KCNH1: variants seen among roughly 807,000 people sequenced by gnomAD.
The protein encoded by KCNH1 is potassium voltage-gated channel subfamily H member 1, also known as voltage-gated delayed rectifier potassium channel KCNH1.
KCNH1 carries 27 observed loss-of-function variants against 69.2 expected under a neutral mutation model. The ratio of observed to expected loss-of-function variants is 0.39; its 90% CI spans 0.29 to 0.54. The LOEUF is 0.54. Ranked by LOEUF, KCNH1 falls within the 20% of genes least tolerant of loss-of-function variation. KCNH1 has a pLI of 0.68. For synonymous variants in KCNH1, 456 were observed against 487.7 expected, an observed-to-expected ratio of 0.93 and a Z score of 0.86; for missense variants, 798 against 1,261.6, an observed-to-expected ratio of 0.63 and a Z score of 5.57.
chr1:210,777,438 C>T (rs1254660025), intron 9 of KCNH1, among the ~76,000 whole-genome samples: 1 of 152,146 alleles, frequency 6.6e-6, no homozygotes, highest in Non-Finnish European at 1.5e-5. Flanking sequence ...AACTGTGCTA[C>T]TTAGATTCCC....
chr1:210,825,702 A>G (rs1685018603), intron 7 of KCNH1, among the ~76,000 whole-genome samples: 2 of 152,200 alleles, frequency 1.3e-5, no homozygotes, highest in East Asian at 1.9e-4. Flanking sequence ...TGTGCCACCA[A>G]TGTACCTTGT....
chr1:210,845,855 C>T (rs375193385), intron 7 of KCNH1, among the ~76,000 whole-genome samples: 1 of 152,226 alleles, frequency 6.6e-6, no homozygotes, highest in Admixed American at 6.5e-5. Context: ...AAAATCTCCT[C>T]AAGCTGATAA....
At chr1:210,757,145 T>C (rs546277169) in intron 10 of KCNH1, among the ~76,000 whole-genome samples, 2 of 152,148 alleles carry the variant, frequency 1.3e-5, no homozygotes, top group Admixed American at 1.3e-4. Flanking sequence ...GGGGAGGCTG[T>C]CATCCCAGTG....
rs6693407 is a variant in KCNH1, at chr1:210,799,232, A to G, written c.1663-1472T>C. On this transcript the variant is annotated intron_variant, in intron 8 of 10. Transcript: ENST00000271751. ...TGTATGATATAAGTGCTATTATTAT[A>G]TCATTTTACAGATGAGAAAACTGAG... Among the ~76,000 whole-genome samples, 851 of 152,308 alleles carry G rather than the reference A, an allele frequency of 5.6e-3. 6 individuals carry two copies. Among genetic ancestry groups the G allele is most frequent in the African/African-American group, 0.02 (814 of 41,570 alleles).
chr1:210,696,944 G>A (rs1291827162), intron 10 of KCNH1, among the ~76,000 whole-genome samples: 2 of 152,188 alleles, frequency 1.3e-5, no homozygotes, highest in East Asian at 3.8e-4. Flanking sequence ...GCCATCTCCT[G>A]AGCAGGCTGA....
intron 10 of KCNH1, among the ~76,000 whole-genome samples, chr1:210,709,147 G>A (rs116387774): frequency 0.017 from 2,600 of 152,290 alleles, 36 homozygotes; most frequent in Middle Eastern, 0.031. Context: ...TACTCAGGAG[G>A]CTGAAGCAAA....
intron 5 of KCNH1, among the ~76,000 whole-genome samples, chr1:211,033,556 C>G (rs1689833610): frequency 6.6e-6 from 1 of 152,188 alleles, no homozygotes; most frequent in African/African-American, 2.4e-5. Context: ...AAATGTGGCA[C>G]ATATACACCA....
chr1:210,851,930 G>A (rs983347600), intron 7 of KCNH1, among the ~76,000 whole-genome samples: 14 of 152,216 alleles, frequency 9.2e-5, no homozygotes, highest in African/African-American at 3.4e-4. Flanking sequence ...TACATGCCAG[G>A]AATCATGCTA....
In KCNH1 at chr1:210,683,609, TCA is replaced by T. The variant is rs1681329512; in HGVS notation, c.2640_2641del (p.Cys880Ter). The T allele has an allele frequency of 6.2e-7, 1 of 1,614,072 alleles. No homozygotes were observed. The highest frequency in any genetic ancestry group is 8.5e-7 in the Non-Finnish European group (1 of 1,180,040). ...CAAGTCGCTCTTGGTGATGCCACTGTCACACGAGTCTGTCTTCTTCAGTGTGG... is the reference window on the plus strand; with the variant it reads ...CAAGTCGCTCTTGGTGATGCCACTGTCACGAGTCTGTCTTCTTCAGTGTGG... On this transcript the variant is annotated stop_gained and frameshift_variant, in exon 11 of 11. Coordinates refer to ENST00000271751, the MANE Select transcript of KCNH1 (RefSeq NM_172362.3). LOFTEE classifies it low-confidence loss of function (END_TRUNC). This position sits in a 1 kb window ranked among gnomAD's most constrained non-coding sequence, Gnocchi z 5.7.
intron 10 of KCNH1, among the ~76,000 whole-genome samples, chr1:210,751,340 G>C (rs923021517): frequency 6.6e-6 from 1 of 152,216 alleles, no homozygotes; most frequent in Non-Finnish European, 1.5e-5. Flanking sequence ...GCCAGGACTA[G>C]ATGCCCATCC....
chr1:210,784,435 G>T (rs978733845), intron 9 of KCNH1, among the ~76,000 whole-genome samples: 3 of 152,198 alleles, frequency 2.0e-5, no homozygotes, highest in Admixed American at 1.3e-4. Context: ...GTTTTCGCAT[G>T]TAAGTAGTGA....
chr1:210,725,604 G>A (rs1292159856), intron 10 of KCNH1, among the ~76,000 whole-genome samples: 1 of 152,176 alleles, frequency 6.6e-6, no homozygotes, highest in Non-Finnish European at 1.5e-5. Flanking sequence ...CTGCACAGAG[G>A]TATGAACGAT....
At chr1:211,120,603 A>T (rs1571663567) in intron 1 of KCNH1, among the ~76,000 whole-genome samples, 1 of 152,308 alleles carries the variant, frequency 6.6e-6, no homozygotes, top group African/African-American at 2.4e-5. Context: ...GAATAACACA[A>T]AAAATATCAT....
intron 5 of KCNH1, among the ~76,000 whole-genome samples, chr1:211,076,244 C>T (rs1406324026): frequency 6.6e-6 from 1 of 152,198 alleles, no homozygotes; most frequent in East Asian, 1.9e-4. Flanking sequence ...TCTCCCAGCA[C>T]AGTGTTTGAC....
intron 3 of KCNH1, 127 bp from the exon 4 acceptor site, chr1:211,090,817 A>G: frequency 1.2e-6 from 1 of 855,844 alleles, no homozygotes; most frequent in South Asian, 1.9e-5. Context: ...TTAATACTTC[A>G]AGTGCTGGGT....
At chr1:211,132,048 T>C (rs1361295106) in intron 1 of KCNH1, among the ~76,000 whole-genome samples, 2 of 152,368 alleles carry the variant, frequency 1.3e-5, no homozygotes, top group East Asian at 3.9e-4. Context: ...ACCCAAGGCA[T>C]CTTGTGACTT....
intron 5 of KCNH1, among the ~76,000 whole-genome samples, chr1:211,031,825 A>G (rs947782534): frequency 2.6e-5 from 4 of 152,198 alleles, no homozygotes; most frequent in Non-Finnish European, 2.9e-5. Context: ...ACAAAAACTG[A>G]AAGCATTCCC....
intron 7 of KCNH1, among the ~76,000 whole-genome samples, chr1:210,816,064 G>T (rs1215511426): frequency 6.6e-6 from 1 of 152,136 alleles, no homozygotes; most frequent in African/African-American, 2.4e-5. Flanking sequence ...AGCGGCGAGC[G>T]ATTAACCTGC....
intron 5 of KCNH1, among the ~76,000 whole-genome samples, chr1:211,037,610 T>A (rs962770129): frequency 1.3e-5 from 2 of 151,060 alleles, no homozygotes; most frequent in Admixed American, 1.3e-4. Context: ...CAGCTCCTGG[T>A]CAAAGGCACC....
Sources: allele counts gnomAD v4.1 joint callset (sites outside exome capture counted in the v4.1 genomes callset), GRCh38; gene constraint gnomAD v4.1.1; non-coding constraint Gnocchi (gnomAD v3.1); transcripts MANE v1.5; gene names NCBI Gene and HGNC (gene_info 2026-07-23, HGNC 2026-07-21).